The following ATP8A2 variants were observed in gnomAD, a reference collection of about 807,000 sequenced individuals.
ATP8A2 encodes ATPase phospholipid transporting 8A2, also known as phospholipid-transporting ATPase IB.
In ATP8A2, 100 loss-of-function variants were observed where a neutral mutation model predicts 165.6. The observed-to-expected ratio is 0.60, with a 90% CI of 0.51 to 0.71. ATP8A2 has a LOEUF of 0.71. ATP8A2 is among the 30% of genes least tolerant of loss of function. The pLI is 0.00. For synonymous variants in ATP8A2, 543 were observed against 548.8 expected, an observed-to-expected ratio of 0.99 and a Z score of 0.15; for missense variants, 1,227 against 1,479.5, an observed-to-expected ratio of 0.83 and a Z score of 2.80.
At chr13:25,539,984 T>C (rs2038417501) in intron 7 of ATP8A2, among the ~76,000 whole-genome samples, 1 of 152,204 alleles carries the variant, frequency 6.6e-6, no homozygotes, top group Non-Finnish European at 1.5e-5. Context: ...ACTTGAAGGA[T>C]TGCCTGAACC....
chr13:25,982,864 C>T (rs1956197442), intron 35 of ATP8A2, among the ~76,000 whole-genome samples: 1 of 152,210 alleles, frequency 6.6e-6, no homozygotes, highest in African/African-American at 2.4e-5. Context: ...GCATAGCAGA[C>T]ATCCTCATCT....
At chr13:25,723,249 T>C (rs955650035) in intron 25 of ATP8A2, among the ~76,000 whole-genome samples, 3 of 152,380 alleles carry the variant, frequency 2.0e-5, no homozygotes, top group African/African-American at 7.2e-5. Flanking sequence ...TGCAAACTTA[T>C]ATTCTTAAGT....
intron 16 of ATP8A2, among the ~76,000 whole-genome samples, chr13:25,570,524 T>C (rs1163038416): frequency 3.9e-5 from 6 of 152,150 alleles, no homozygotes. Flanking sequence ...CCCCATCTCT[T>C]GAGCTAAAGC....
intron 24 of ATP8A2, among the ~76,000 whole-genome samples, chr13:25,669,854 GA>G (rs2042230019): frequency 1.1e-4 from 17 of 152,202 alleles, no homozygotes; most frequent in Admixed American, 1.1e-3. Flanking sequence ...GAGCAGGAAT[GA>G]AACAAGTACC....
chr13:25,786,220 G>A (rs769436482), intron 27 of ATP8A2, among the ~76,000 whole-genome samples: 3 of 152,078 alleles, frequency 2.0e-5, no homozygotes, highest in Non-Finnish European at 2.9e-5. Flanking sequence ...TCTCCATTGC[G>A]TTCTAACGAT....
intron 1 of ATP8A2, among the ~76,000 whole-genome samples, chr13:25,431,904 T>A (rs766225147): frequency 6.6e-6 from 1 of 152,150 alleles, no homozygotes; most frequent in East Asian, 1.9e-4. Flanking sequence ...TCTCCCTGTC[T>A]CCCAGCTCCT....
intron 24 of ATP8A2, among the ~76,000 whole-genome samples, chr13:25,602,792 C>T (rs1400392491): frequency 3.3e-5 from 5 of 152,140 alleles, no homozygotes; most frequent in African/African-American, 1.2e-4. Flanking sequence ...GATATCTGGG[C>T]CAGGCACAGT....
intron 1 of ATP8A2, among the ~76,000 whole-genome samples, chr13:25,442,061 C>A (rs77443225): frequency 6.6e-6 from 1 of 152,204 alleles, no homozygotes; most frequent in African/African-American, 2.4e-5. Flanking sequence ...AAGCACGTGT[C>A]AGAATTTCCT....
chr13:25,537,740 G>A (rs2038333202), intron 6 of ATP8A2, among the ~76,000 whole-genome samples: 1 of 152,130 alleles, frequency 6.6e-6, no homozygotes, highest in Middle Eastern at 3.2e-3. Context: ...TTCTGACTTA[G>A]CCCTTTTCTC....
chr13:25,402,768 G>A (rs995007766), intron 1 of ATP8A2, among the ~76,000 whole-genome samples: 1 of 152,176 alleles, frequency 6.6e-6, no homozygotes, highest in Non-Finnish European at 1.5e-5. Flanking sequence ...AGGGCTTGAG[G>A]CAGCAAGTTT....
At chr13:25,857,318 C>T (rs1369793347) in intron 30 of ATP8A2, among the ~76,000 whole-genome samples, 1 of 152,156 alleles carries the variant, frequency 6.6e-6, no homozygotes, top group East Asian at 1.9e-4. Flanking sequence ...AAAGATTGTT[C>T]CAGAGCTCCC....
intron 27 of ATP8A2, among the ~76,000 whole-genome samples, chr13:25,807,280 T>C (rs1230800687): frequency 6.6e-6 from 1 of 152,116 alleles, no homozygotes; most frequent in Admixed American, 6.6e-5. Flanking sequence ...GTCAAAAAAC[T>C]TTACTCCATT....
intron 24 of ATP8A2, among the ~76,000 whole-genome samples, chr13:25,670,163 T>C (rs1445147940): frequency 6.6e-6 from 1 of 152,188 alleles, no homozygotes; most frequent in Non-Finnish European, 1.5e-5. Context: ...TGTGTCAGTA[T>C]TTGTTAGCTT....
At chr13:25,407,953 C>T (rs1400335424) in intron 1 of ATP8A2, among the ~76,000 whole-genome samples, 2 of 152,174 alleles carry the variant, frequency 1.3e-5, no homozygotes, top group Non-Finnish European at 2.9e-5. Context: ...AGGACAAATA[C>T]ATAATGCATG....
At chr13:25,387,227 A>G (rs960021706) in intron 1 of ATP8A2, among the ~76,000 whole-genome samples, 2 of 152,178 alleles carry the variant, frequency 1.3e-5, no homozygotes, top group Non-Finnish European at 2.9e-5. Context: ...CTCAAGCTGG[A>G]TGCTTTAGCA....
chr13:25,425,323 C>A (rs1426429491), intron 1 of ATP8A2, among the ~76,000 whole-genome samples: 14 of 152,058 alleles, frequency 9.2e-5, no homozygotes, highest in Admixed American at 2.6e-4. Flanking sequence ...CTAGAAGCTC[C>A]CCCCAGCACC....
At chr13:25,702,380 A>C (rs944955375) in intron 25 of ATP8A2, among the ~76,000 whole-genome samples, 10 of 152,214 alleles carry the variant, frequency 6.6e-5, no homozygotes, top group African/African-American at 2.4e-4. Flanking sequence ...AGAATCAAAC[A>C]ATTTGCTAAT....
At position 25,534,351 on chromosome 13, in the gene ATP8A2, G is replaced by T. The variant is rs534763658; in HGVS notation, c.507+1038G>T. ...GGAATTCTTGACTCAAAGTGGGAGA[G>T]ATGCTCCCAATGCTGAAGGAATTCA... On this transcript the variant is annotated intron_variant, in intron 6 of 36. Coordinates refer to ENST00000381655, the MANE Select transcript of ATP8A2 (RefSeq NM_016529.6). The T allele has an allele frequency of 4.7e-5, 19 of 404,590 alleles. 1 individual carries two copies. The highest frequency in any genetic ancestry group is 3.4e-4 in the South Asian group (18 of 53,514). 25.1% of individuals were successfully genotyped at this position (404,590 alleles called of 1,614,324 possible).
intron 33 of ATP8A2, among the ~76,000 whole-genome samples, chr13:25,875,711 G>A: frequency 1.3e-5 from 2 of 149,402 alleles, no homozygotes; most frequent in African/African-American, 5.2e-5. Flanking sequence ...AACTGTTTTA[G>A]CCACATAGGT....
Sources: allele counts gnomAD v4.1 joint callset (sites outside exome capture counted in the v4.1 genomes callset), GRCh38; gene constraint gnomAD v4.1.1; transcripts MANE v1.5; gene names NCBI Gene and HGNC (gene_info 2026-07-23, HGNC 2026-07-21).